Variants in SETDB1 observed in about 807,000 individuals in gnomAD.
SETDB1 encodes the protein SET domain bifurcated histone lysine methyltransferase 1.
Under a neutral mutation model 137.4 loss-of-function variants are expected in SETDB1, and 31 were observed. The ratio of observed to expected loss-of-function variants is 0.23; its 90% CI spans 0.17 to 0.30. The LOEUF is 0.30. SETDB1 is among the 10% of genes least tolerant of loss of function. The pLI, the probability that SETDB1 is intolerant of heterozygous loss-of-function variation, is 1.00. For synonymous variants in SETDB1, 548 were observed against 579.9 expected, an observed-to-expected ratio of 0.95 and a Z score of 0.79; for missense variants, 1,113 against 1,631.5, an observed-to-expected ratio of 0.68 and a Z score of 5.47.
intron 8 of SETDB1, 123 bp from the exon 9 acceptor site, chr1:150,944,795 G>A: frequency 9.3e-7 from 1 of 1,076,062 alleles, no homozygotes; most frequent in Non-Finnish European, 1.3e-6. Context: ...TTCCCTTGAG[G>A]TTCTGATTTT....
intron 5 of SETDB1, among the ~76,000 whole-genome samples, chr1:150,942,310 C>T (rs1446098349): frequency 1.3e-5 from 2 of 150,742 alleles, no homozygotes; most frequent in African/African-American, 2.4e-5. Flanking sequence ...GTAGTGGTGC[C>T]ACCTTGCGTG....
intron 14 of SETDB1, among the ~76,000 whole-genome samples, chr1:150,954,755 C>T (rs752895329): frequency 5.9e-5 from 9 of 152,282 alleles, no homozygotes; most frequent in South Asian, 2.1e-4. Flanking sequence ...ATTTTAAACT[C>T]GGGCAAACTA....
At chr1:150,935,515 A>G (rs1669918233) in intron 3 of SETDB1, among the ~76,000 whole-genome samples, 1 of 151,962 alleles carries the variant, frequency 6.6e-6, no homozygotes, top group African/African-American at 2.4e-5. Context: ...TCTTTTCACA[A>G]GTCTCTGAAG....
chr1:150,939,933 T>G lies in SETDB1; in HGVS notation c.413-7T>G. 6.2e-7 allele frequency: 1 copy of G among 1,611,452 alleles called. No individual in the cohort carries two copies. The highest frequency in any genetic ancestry group is 8.5e-7 in the Non-Finnish European group (1 of 1,177,948). On this transcript the variant is annotated splice_polypyrimidine_tract_variant and splice_region_variant and intron_variant, in intron 3 of 21. Coordinates refer to ENST00000692827, the MANE Select transcript of SETDB1 (RefSeq NM_001366418.1). ...CTGACACTCATTAGAGTTCTTCTCG[T>G]CCATAGGTGATGCTGGGAGCAGAAC...
At chr1:150,927,444 GCT>G (rs1156413104) in intron 1 of SETDB1, among the ~76,000 whole-genome samples, 1 of 152,062 alleles carries the variant, frequency 6.6e-6, no homozygotes, top group Non-Finnish European at 1.5e-5. Flanking sequence ...ATTTTCAGTA[GCT>G]CTCTACTGCT....
chr1:150,963,562 A>C lies in SETDB1; in HGVS notation c.3493A>C (p.Thr1165Pro). 2 of 1,613,914 alleles carry C rather than the reference A, an allele frequency of 1.2e-6. No homozygotes were observed. Among genetic ancestry groups the C allele is most frequent in the East Asian group, 2.2e-5 (1 of 44,880 alleles). The change falls in exon 20 of 22, where the codon ACC (threonine) becomes CCC (proline). Residue 1165 changes from threonine to proline, a missense_variant. By Grantham distance (38) the Thr-to-Pro change is conservative. Transcript: ENST00000692827. Reference sequence around the variant, plus strand: ...GAAGCGTCAAGTGGCAGTAAAATCAACCCGAGGCTTTGCTCTTAAATCAAC... The same window carrying C: ...GAAGCGTCAAGTGGCAGTAAAATCACCCCGAGGCTTTGCTCTTAAATCAAC... The part of the protein sequence containing the change: ...PMKRQVAVKS[T>P]RGFALKSTHG...
At chr1:150,944,065 T>A (rs759431698) in intron 8 of SETDB1, 72 bp downstream of exon 8, 1 of 1,030,834 alleles carries the variant, frequency 9.7e-7, no homozygotes, top group Admixed American at 1.7e-5. Context: ...GACATCCAGT[T>A]GAAAAGCCCT....
At chr1:150,932,756 T>G (rs1334977159) in intron 3 of SETDB1, among the ~76,000 whole-genome samples, 1 of 152,168 alleles carries the variant, frequency 6.6e-6, no homozygotes, top group Middle Eastern at 3.2e-3. Context: ...GCTTACAGGA[T>G]TGATTTTAGA....
intron 3 of SETDB1, among the ~76,000 whole-genome samples, chr1:150,936,062 C>G (rs1334080513): frequency 6.6e-6 from 1 of 152,230 alleles, no homozygotes; most frequent in Non-Finnish European, 1.5e-5. Flanking sequence ...TCTCGGCTCA[C>G]TGCAAGCTCC....
chr1:150,929,164 G>A (rs896536906), intron 2 of SETDB1, among the ~76,000 whole-genome samples: 1 of 151,990 alleles, frequency 6.6e-6, no homozygotes, highest in Admixed American at 6.6e-5. Context: ...TTGAGGAATC[G>A]CCACACTGTC....
chr1:150,928,229 T>G (rs911719649), intron 2 of SETDB1: 1 of 462,748 alleles, frequency 2.2e-6, no homozygotes, highest in Non-Finnish European at 3.9e-6. Context: ...AGCTAATTTT[T>G]TATATTTTTA....
chr1:150,956,282 A>G (rs6671489), intron 14 of SETDB1, among the ~76,000 whole-genome samples: 11,140 of 151,648 alleles, frequency 0.073, 557 homozygotes, highest in East Asian at 0.18. Context: ...GCTACTCCAG[A>G]GGCTGAGGCA....
In SETDB1 at chr1:150,945,122, C is replaced by T. The variant is rs780351296; in HGVS notation, c.1140+14C>T. ...ATCCTCTTCCTGGTACTGTTCTTCT[C>T]TACAATTTTGGAGGCAGAGGTTGGT... On this transcript the variant is annotated intron_variant, in intron 9 of 21. Transcript: ENST00000692827. 1.2e-6 allele frequency: 2 copies of T among 1,613,920 alleles called. No individual in the cohort carries two copies. Among genetic ancestry groups the T allele is most frequent in the Admixed American group, 3.3e-5 (2 of 59,964 alleles).
At chr1:150,946,822 A>G (rs188555011) in intron 9 of SETDB1, 64 bp from the exon 10 acceptor site, 2 of 1,583,432 alleles carry the variant, frequency 1.3e-6, no homozygotes, top group African/African-American at 2.7e-5. Flanking sequence ...TATCCTCTAC[A>G]CAGGACAGGA....
intron 2 of SETDB1, among the ~76,000 whole-genome samples, chr1:150,928,942 G>A (rs1669632443): frequency 6.6e-6 from 1 of 152,140 alleles, no homozygotes; most frequent in Non-Finnish European, 1.5e-5. Context: ...TTTTATGGCT[G>A]CATAGTATTC....
chr1:150,949,808 C>T (rs986408070), intron 12 of SETDB1, among the ~76,000 whole-genome samples: 2 of 152,206 alleles, frequency 1.3e-5, no homozygotes. Context: ...GGAAACACCA[C>T]AGCCTCTTTC....
chr1:150,930,139 A>G, intron 3 of SETDB1, 21 bp downstream of exon 3: 1 of 1,602,734 alleles, frequency 6.2e-7, no homozygotes, highest in Non-Finnish European at 8.5e-7. Flanking sequence ...AGCTTTGGAT[A>G]GGAGAGTCTC....
rs1670792182 is a variant in SETDB1, at chr1:150,960,781, G to C, written c.2722G>C (p.Asp908His). 6.2e-7 allele frequency: 1 copy of C among 1,610,400 alleles called. No individual in the cohort carries two copies. Among genetic ancestry groups the C allele is most frequent in the Non-Finnish European group, 8.5e-7 (1 of 1,178,306 alleles). Residue 908 changes from aspartate to histidine, a missense_variant, in exon 16 of 22, where the codon GAT becomes CAT. This residue lies in a region of SETDB1 where 373 missense variants were observed against 412.7 expected (regional missense o/e 0.90). Transcript: ENST00000692827. ...TGAAGAGTCCAATGATGATAGCTCAGATGATAACTTCTGTAAGGATGAGGA... is the reference window on the plus strand; with the variant it reads ...TGAAGAGTCCAATGATGATAGCTCACATGATAACTTCTGTAAGGATGAGGA... ...DPEESNDDSS[D>H]DNFCKDEDFS... is the part of the protein sequence containing the mutation.
intron 14 of SETDB1, 90 bp from the exon 15 acceptor site, chr1:150,959,085 AATG>A (rs1489978091): frequency 7.7e-5 from 69 of 898,512 alleles, no homozygotes; most frequent in Non-Finnish European, 9.2e-5. Flanking sequence ...ACACATTATA[AATG>A]ATGATAGCTT....
Sources: gnomAD v4.1 joint callset for allele counts (sites outside exome capture counted in the v4.1 genomes callset) on GRCh38, gnomAD v4.1.1 for gene constraint, gnomAD v4.1.1 regional missense constraint, MANE v1.5 for transcripts, NCBI Gene and HGNC (gene_info 2026-07-23, HGNC 2026-07-21) for gene names.